Variants in PCLO observed in about 807,000 individuals in gnomAD.
PCLO encodes piccolo presynaptic cytomatrix protein, also known as protein piccolo.
Under a neutral mutation model 427.5 loss-of-function variants are expected in PCLO, and 82 were observed. The observed-to-expected ratio is 0.19, with a 90% CI of 0.16 to 0.23. The LOEUF is 0.23. Among genes scored for constraint, PCLO ranks in the 10% least tolerant of loss-of-function variants. The probability of loss-of-function intolerance (pLI) is 1.00; values close to 1 mark genes in which losing one functional copy is unlikely to be tolerated. For synonymous variants in PCLO, 2,357 were observed against 2,155.4 expected (o/e 1.09, Z -2.59); for missense variants, 6,239 against 6,115.9 (o/e 1.02, Z -0.67).
intron 10 of PCLO, among the ~76,000 whole-genome samples, chr7:82,870,657 C>CAGAATGGG (rs1406097681): frequency 2.0e-5 from 3 of 151,910 alleles, no homozygotes; most frequent in African/African-American, 7.2e-5. Context: ...AGACAACCTA[C>CAGAATGGG]AGAATGGGAG....
At chr7:83,118,545 G>A (rs1791191056) in intron 3 of PCLO, among the ~76,000 whole-genome samples, 2 of 152,028 alleles carry the variant, frequency 1.3e-5, no homozygotes, top group Non-Finnish European at 2.9e-5. Flanking sequence ...GGAAGAGGGA[G>A]GGAGAGCAAA....
chr7:83,022,472 C>T (rs962314667), intron 3 of PCLO, among the ~76,000 whole-genome samples: 6 of 152,066 alleles, frequency 3.9e-5, no homozygotes, highest in African/African-American at 1.4e-4. Flanking sequence ...AATACCAGGA[C>T]CCGATTCTTC....
Position 82,901,230 on chromosome 7 carries a change from C to T in PCLO, c.13528+1421G>A, listed in dbSNP as rs1184101452. Among the ~76,000 whole-genome samples the T allele has an allele frequency of 3.3e-5, 5 of 151,778 alleles. No individual in the cohort carries two copies. In the East Asian group the frequency reaches 9.8e-4, roughly 30 times the overall value. ...TGTCTTTTATGTTCAAATGTATATC[C>T]TACTTATTTTTTTACATTTCTCAAA... is the stretch of plus-strand genomic sequence containing the variant. On this transcript the variant is annotated intron_variant, in intron 9 of 24. Transcript: ENST00000333891.
chr7:82,994,946 G>C (rs1037870648), intron 3 of PCLO, among the ~76,000 whole-genome samples: 1 of 151,912 alleles, frequency 6.6e-6, no homozygotes, highest in Non-Finnish European at 1.5e-5. Flanking sequence ...TGGATTTCTG[G>C]GTGGATTACT....
intron 3 of PCLO, among the ~76,000 whole-genome samples, chr7:82,990,183 T>C (rs1263264741): frequency 6.6e-6 from 1 of 152,086 alleles, no homozygotes; most frequent in Non-Finnish European, 1.5e-5. Context: ...GAATTCACTG[T>C]GTAGGTATAC....
chr7:83,012,630 A>T (rs1466318974), intron 3 of PCLO, among the ~76,000 whole-genome samples: 1 of 150,254 alleles, frequency 6.7e-6, no homozygotes, highest in Non-Finnish European at 1.5e-5. Flanking sequence ...GGAAAAAAAA[A>T]AAAAAAAAAA....
chr7:83,162,116 A>C (rs1792453798), intron 1 of PCLO, among the ~76,000 whole-genome samples: 1 of 152,166 alleles, frequency 6.6e-6, no homozygotes, highest in African/African-American at 2.4e-5. Flanking sequence ...ACCTAAAATC[A>C]CAGTTCCAAG....
chr7:83,128,035 G>A (rs1009722943), intron 3 of PCLO, among the ~76,000 whole-genome samples: 1 of 151,798 alleles, frequency 6.6e-6, no homozygotes, highest in African/African-American at 2.4e-5. Context: ...AAGATAAAAA[G>A]GCAATAGTAA....
intron 3 of PCLO, among the ~76,000 whole-genome samples, chr7:83,034,699 G>A (rs1403114079): frequency 6.6e-6 from 1 of 152,152 alleles, no homozygotes; most frequent in Non-Finnish European, 1.5e-5. Context: ...GACCATATTT[G>A]TGATTTAACT....
rs369285880 is a variant in PCLO, at chr7:82,916,095, C to T, written c.11891G>A (p.Arg3964Gln). 19 of 1,613,334 alleles carry T rather than the reference C, an allele frequency of 1.2e-5. No individual in the cohort carries two copies. The highest frequency in any genetic ancestry group is 1.7e-5 in the Admixed American group (1 of 59,950). Residue 3964 changes from arginine to glutamine, a missense_variant, in exon 7 of 25, where the codon CGG becomes CAG. This residue lies in a region of PCLO where 680 missense variants were observed against 677.3 expected (regional missense o/e 1.00). Coordinates refer to ENST00000333891, the MANE Select transcript of PCLO (RefSeq NM_033026.6). The part of the protein sequence containing the change: ...SQMMVIQQKP[R>Q]QTTLYLEPKI... ...GGGCTCCAAATATAATGTAGTTTGC[C>T]GTGGCTTCTGTTGTATCACCATCAT...
Position 82,788,408 on chromosome 7 carries a change from AT to A in PCLO, c.15007+13109del, listed in dbSNP as rs1409999187. ...ACTGCCTTACTCTAGAAGATGTAGT[AT>A]TTTGATAAATTACATTTCTTCTGGT... is the stretch of plus-strand genomic sequence containing the variant. On this transcript the variant is annotated intron_variant, in intron 22 of 24. Coordinates refer to ENST00000333891, the MANE Select transcript of PCLO (RefSeq NM_033026.6). Among the ~76,000 whole-genome samples, 9 of 151,852 alleles carry A rather than the reference AT, an allele frequency of 5.9e-5. No homozygotes were observed. In the East Asian group the frequency reaches 1.7e-3, roughly 29 times the overall value.
chr7:82,891,561 T>C (rs1321027421), intron 9 of PCLO, among the ~76,000 whole-genome samples: 4 of 152,118 alleles, frequency 2.6e-5, no homozygotes, highest in Non-Finnish European at 5.9e-5. Context: ...AGCCAGAACT[T>C]CCAACACTAT....
intron 12 of PCLO, among the ~76,000 whole-genome samples, chr7:82,846,364 TC>T (rs1295831302): frequency 8.5e-5 from 13 of 152,258 alleles, no homozygotes; most frequent in Non-Finnish European, 4.4e-5. Context: ...AATATGTATT[TC>T]CCCAGAATGC....
At position 82,955,309 on chromosome 7, in the gene PCLO, T is replaced by C. The variant is rs746047769; in HGVS notation, c.5644A>G (p.Lys1882Glu). Reference sequence around the variant, plus strand: ...ACAGCTGTGGGCAATTTATAAACTTTTTGTACTTCTATTATTTTTTCCGGG... The same window carrying C: ...ACAGCTGTGGGCAATTTATAAACTTCTTGTACTTCTATTATTTTTTCCGGG... ...ISPEKIIEVQKVYKLPTAVSL... is the reference protein window; with the variant it reads ...ISPEKIIEVQEVYKLPTAVSL... Residue 1882 changes from lysine (K) to glutamate (E), a missense_variant, in exon 5 of 25, where the codon AAA (lysine) becomes GAA (glutamate). Lys to Glu is a moderately conservative substitution (Grantham distance 56). Transcript: ENST00000333891. 2.5e-6 allele frequency: 4 copies of C among 1,613,512 alleles called. No individual in the cohort carries two copies. The highest frequency in any genetic ancestry group is 2.2e-5 in the South Asian group (2 of 90,998).
chr7:83,126,535 A>G (rs1044058472), intron 3 of PCLO, among the ~76,000 whole-genome samples: 1 of 152,124 alleles, frequency 6.6e-6, no homozygotes, highest in Non-Finnish European at 1.5e-5. Flanking sequence ...TTAAAAATGT[A>G]AAAGTAATCA....
At chr7:82,879,789 A>G (rs1452011088) in intron 9 of PCLO, 3 of 445,676 alleles carry the variant, frequency 6.7e-6, no homozygotes, top group Non-Finnish European at 1.3e-5. Context: ...TTCCCAGAGC[A>G]TACAATTCAC....
Position 83,087,995 on chromosome 7 carries a change from T to C in PCLO, c.3300+46255A>G, listed in dbSNP as rs143705634. 2.4e-3 allele frequency among the ~76,000 whole-genome samples: 368 copies of C among 152,336 alleles called. 2 individuals are homozygous for C. Among genetic ancestry groups the C allele is most frequent in the African/African-American group, 8.5e-3 (353 of 41,576 alleles). ...GCATACTCTAAATATTATGCTAAAA[T>C]ATAATCGATAAAATGTAATCAGATT... On this transcript the variant is annotated intron_variant, in intron 3 of 24. Coordinates refer to ENST00000333891, the MANE Select transcript of PCLO (RefSeq NM_033026.6).
At chr7:83,109,015 G>T (rs1790936501) in intron 3 of PCLO, among the ~76,000 whole-genome samples, 1 of 105,250 alleles carries the variant, frequency 9.5e-6, no homozygotes, top group Non-Finnish European at 1.9e-5. Flanking sequence ...GGAAAGTTTG[G>T]ACTCTTACCT....
intron 2 of PCLO, 64 bp downstream of exon 2, chr7:83,154,684 G>C: frequency 8.7e-7 from 1 of 1,150,462 alleles, no homozygotes; most frequent in Non-Finnish European, 1.3e-6. Flanking sequence ...GTTTAGTTAA[G>C]CATCATTTGT....
Sources: allele counts gnomAD v4.1 joint callset (sites outside exome capture counted in the v4.1 genomes callset), GRCh38; gene constraint gnomAD v4.1.1; regional missense constraint gnomAD v4.1.1; transcripts MANE v1.5; gene names NCBI Gene and HGNC (gene_info 2026-07-23, HGNC 2026-07-21).